TTLL7: variants seen among roughly 807,000 people sequenced by gnomAD.
The protein encoded by TTLL7 is tubulin polyglutamylase TTLL7.
TTLL7 carries 53 observed loss-of-function variants against 120.2 expected under a neutral mutation model. That is an observed-to-expected ratio of 0.44 (90% CI 0.35 to 0.55). The LOEUF is 0.55. Ranked by LOEUF, TTLL7 falls within the 20% of genes least tolerant of loss-of-function variation. The probability of loss-of-function intolerance (pLI) is 0.00; values close to 1 mark genes in which losing one functional copy is unlikely to be tolerated. For synonymous variants in TTLL7, 353 were observed against 351.7 expected (o/e 1.00, Z -0.04); for missense variants, 803 against 1,054.7 (o/e 0.76, Z 3.31).
chr1:83,939,009 A>C (rs527643348), intron 7 of TTLL7, among the ~76,000 whole-genome samples: 90 of 152,178 alleles, frequency 5.9e-4, no homozygotes, highest in Non-Finnish European at 1.1e-3. Flanking sequence ...TTTGAGGTAC[A>C]TGTTGTTTAT....
chr1:83,892,340 A>T (rs1230097754), intron 18 of TTLL7, among the ~76,000 whole-genome samples: 1 of 113,880 alleles, frequency 8.8e-6, no homozygotes, highest in Non-Finnish European at 2.0e-5. Flanking sequence ...ATATATGAAT[A>T]TATATACGAA....
At chr1:83,877,093 A>G (rs899678708) in intron 20 of TTLL7, among the ~76,000 whole-genome samples, 6 of 152,004 alleles carry the variant, frequency 3.9e-5, no homozygotes, top group African/African-American at 1.4e-4. Context: ...AGCACTTTTT[A>G]AAGCATGAAT....
intron 20 of TTLL7, among the ~76,000 whole-genome samples, chr1:83,876,788 T>G (rs1356623965): frequency 6.6e-6 from 1 of 152,036 alleles, no homozygotes; most frequent in African/African-American, 2.4e-5. Context: ...TCATCAAAAT[T>G]GTTAAATTCA....
chr1:83,876,859 A>T (rs1423559238), intron 20 of TTLL7, among the ~76,000 whole-genome samples: 1 of 151,938 alleles, frequency 6.6e-6, no homozygotes, highest in Non-Finnish European at 1.5e-5. Flanking sequence ...CCACTTACTG[A>T]GTTTAGTTCT....
chr1:83,915,660 A>G (rs1237593946), intron 14 of TTLL7, among the ~76,000 whole-genome samples: 1 of 152,190 alleles, frequency 6.6e-6, no homozygotes, highest in Non-Finnish European at 1.5e-5. Context: ...ATTAAACTAA[A>G]GAGCTTCTGC....
chr1:83,901,460 T>C (rs991267687), intron 18 of TTLL7, among the ~76,000 whole-genome samples: 5 of 151,986 alleles, frequency 3.3e-5, no homozygotes, highest in African/African-American at 1.2e-4. Context: ...TCCTGTATTA[T>C]TAATATCGTA....
In TTLL7 at chr1:83,866,732, GCAATGCTACTA is replaced by G. The variant is rs1307309033; in HGVS notation, c.*3219_*3229del. ...TCATTTTTACATATTTAAGGTAAAT[GCAATGCTACTA>G]AAATAAAAATTTGTTGCTAGTAAAA... On this transcript the variant is annotated 3_prime_UTR_variant, in exon 21 of 21. Coordinates refer to ENST00000260505, the MANE Select transcript of TTLL7 (RefSeq NM_024686.6). 1.3e-5 allele frequency: 2 copies of G among 151,830 alleles called. No homozygotes were observed. Among genetic ancestry groups the G allele is most frequent in the Non-Finnish European group, 3.0e-5 (2 of 67,786 alleles). The allele number at this position is 151,830 out of a possible 1,614,324, so 9.4% of individuals were successfully genotyped here.
chr1:83,917,473 C>T (rs537983330), intron 14 of TTLL7, 131 bp downstream of exon 14: 24 of 612,104 alleles, frequency 3.9e-5, no homozygotes, highest in East Asian at 2.5e-4. Flanking sequence ...ATCTTCCAAA[C>T]TTTACCTGCA....
In TTLL7 at chr1:83,937,906, T is replaced by C; in HGVS notation, c.834A>G (p.Thr278=). The change falls in exon 8 of 21, where the codon ACA becomes ACG. Residue 278 remains threonine (T), a synonymous_variant. Coordinates refer to ENST00000260505, the MANE Select transcript of TTLL7 (RefSeq NM_024686.6). ...CATGTTGATTTGCTTGAAGGAATTC[T>C]GTAAACCATTTGATGGAACGTTTGC... is the stretch of plus-strand genomic sequence containing the variant. The part of the protein sequence containing the change: ...KGSKRSIKWF[T]EFLQANQHDV... The C allele has an allele frequency of 1.2e-6, 2 of 1,614,112 alleles. No individual in the cohort carries two copies. The highest frequency in any genetic ancestry group is 1.7e-6 in the Non-Finnish European group (2 of 1,179,980).
intron 7 of TTLL7, among the ~76,000 whole-genome samples, chr1:83,938,580 A>G (rs193160086): frequency 6.6e-6 from 1 of 152,316 alleles, no homozygotes; most frequent in Non-Finnish European, 1.5e-5. Flanking sequence ...GAGTCAGCAG[A>G]CAGAATGCAC....
chr1:83,961,847 C>A (rs940556751), intron 1 of TTLL7, among the ~76,000 whole-genome samples: 1 of 152,118 alleles, frequency 6.6e-6, no homozygotes. Context: ...ATCTCACTCA[C>A]ATTTGTCAAT....
At chr1:83,889,859 T>C (rs1655297923) in intron 19 of TTLL7, 5 of 455,290 alleles carry the variant, frequency 1.1e-5, no homozygotes, top group South Asian at 7.8e-5. Context: ...GATATCCAAC[T>C]TGTATGACTG....
intron 8 of TTLL7, among the ~76,000 whole-genome samples, chr1:83,935,658 T>C (rs1647314786): frequency 6.6e-6 from 1 of 152,114 alleles, no homozygotes; most frequent in African/African-American, 2.4e-5. Context: ...TGATGAATGC[T>C]GCTTTTCATA....
In TTLL7 at chr1:83,865,912, C is replaced by G. The variant is rs1246425204; in HGVS notation, c.*4050G>C. 6.6e-6 allele frequency: 1 copy of G among 151,814 alleles called. No homozygotes were observed. The highest frequency in any genetic ancestry group is 2.4e-5 in the African/African-American group (1 of 41,396). 9.4% of individuals were successfully genotyped at this position (151,814 alleles called of 1,614,324 possible). On this transcript the variant is annotated 3_prime_UTR_variant, in exon 21 of 21. Transcript: ENST00000260505. ...TAGGCAGTGTAAGTAACAAAATTGTCATCATGAATATATTTCTAAATTTTT... is the reference window on the plus strand; with the variant it reads ...TAGGCAGTGTAAGTAACAAAATTGTGATCATGAATATATTTCTAAATTTTT...
chr1:83,925,787 C>T (rs1231657759), intron 10 of TTLL7, among the ~76,000 whole-genome samples: 2 of 152,106 alleles, frequency 1.3e-5, no homozygotes, highest in Non-Finnish European at 2.9e-5. Context: ...ATTTTATTCA[C>T]TTTTGTATCT....
chr1:83,932,752 A>T (rs17475760), intron 9 of TTLL7, among the ~76,000 whole-genome samples: 65,907 of 151,982 alleles, frequency 0.43, 15,660 homozygotes, highest in Non-Finnish European at 0.54. Context: ...ATTTAAAATG[A>T]AAGGTAGTGG....
intron 15 of TTLL7, among the ~76,000 whole-genome samples, chr1:83,909,026 G>A (rs918270578): frequency 1.3e-5 from 2 of 151,236 alleles, no homozygotes; most frequent in African/African-American, 4.8e-5. Context: ...CTAGAGAAGG[G>A]CTATGTGAGG....
rs1371058810 is a variant in TTLL7 at position 83,911,374 on chromosome 1, TG to T, written c.1588-12del. ...CATAGAACACAGAGGCTAAAAAAGATGGAAATGTGTTATTTTGTTAGAATTC... is the reference window on the plus strand; with the variant it reads ...CATAGAACACAGAGGCTAAAAAAGATGAAATGTGTTATTTTGTTAGAATTC... On this transcript the variant is annotated splice_polypyrimidine_tract_variant and intron_variant, in intron 14 of 20. Coordinates refer to ENST00000260505, the MANE Select transcript of TTLL7 (RefSeq NM_024686.6). The T allele has an allele frequency of 6.3e-7, 1 of 1,583,678 alleles. No individual in the cohort carries two copies. Among genetic ancestry groups the T allele is most frequent in the Admixed American group, 1.8e-5 (1 of 54,374 alleles).
intron 19 of TTLL7, chr1:83,889,922 A>C (rs1290192293): frequency 2.2e-6 from 1 of 457,996 alleles, no homozygotes; most frequent in East Asian, 6.9e-5. Context: ...ATTTCCGAAT[A>C]AAAGGACATG....
Sources: allele counts gnomAD v4.1 joint callset (sites outside exome capture counted in the v4.1 genomes callset), GRCh38; gene constraint gnomAD v4.1.1; transcripts MANE v1.5; gene names NCBI Gene and HGNC (gene_info 2026-07-23, HGNC 2026-07-21).